The following SPMIP11 variants were observed in gnomAD, a reference collection of about 807,000 sequenced individuals.
SPMIP11 encodes long intergenic non-protein coding RNA 935.
the SPMIP11 span, among the ~76,000 whole-genome samples, chr12:48,746,977 C>T: frequency 6.6e-6 from 1 of 151,738 alleles, no homozygotes; most frequent in East Asian, 1.9e-4. Flanking sequence ...CTGTAAATGA[C>T]AACAAACAGC....
chr12:48,733,072 C>CTTTTTTTTTT, the SPMIP11 span, among the ~76,000 whole-genome samples: 1 of 110,856 alleles, frequency 9.0e-6, no homozygotes, highest in Non-Finnish European at 1.7e-5. Flanking sequence ...ACAAGTTAAT[C>CTTTTTTTTTT]TTTTTTTTTT....
chr12:48,739,574 T>C, the SPMIP11 span, among the ~76,000 whole-genome samples: 6,055 of 152,150 alleles, frequency 0.04, 384 homozygotes, highest in African/African-American at 0.13. Context: ...ACAGGACGCA[T>C]AGCCGGGGAA....
the SPMIP11 span, among the ~76,000 whole-genome samples, chr12:48,733,764 C>CTTTTTTTTT: frequency 8.4e-5 from 7 of 82,902 alleles, no homozygotes; most frequent in Admixed American, 1.8e-4. Flanking sequence ...AATGCAGATT[C>CTTTTTTTTT]TTTTTTTTTT....
chr12:48,731,230 C>A, the SPMIP11 span, among the ~76,000 whole-genome samples: 1 of 152,126 alleles, frequency 6.6e-6, no homozygotes, highest in Non-Finnish European at 1.5e-5. Flanking sequence ...CGGTGGCTCA[C>A]GCCTGTAATC....
At chr12:48,731,231 G>A in the SPMIP11 span, among the ~76,000 whole-genome samples, 6 of 152,136 alleles carry the variant, frequency 3.9e-5, no homozygotes, top group Admixed American at 6.5e-5. Flanking sequence ...GGTGGCTCAC[G>A]CCTGTAATCC....
chr12:48,748,731 C>T, the SPMIP11 span, among the ~76,000 whole-genome samples: 2 of 152,098 alleles, frequency 1.3e-5, no homozygotes, highest in Non-Finnish European at 2.9e-5. Flanking sequence ...GAGTTGCCTT[C>T]TATTTCACAG....
the SPMIP11 span, chr12:48,768,541 C>T: frequency 6.2e-7 from 1 of 1,613,710 alleles, no homozygotes; most frequent in Non-Finnish European, 8.5e-7. Flanking sequence ...GCACAGAGTC[C>T]ACTCAATGCC....
the SPMIP11 span, among the ~76,000 whole-genome samples, chr12:48,753,622 A>C: frequency 6.6e-6 from 1 of 150,690 alleles, no homozygotes; most frequent in African/African-American, 2.4e-5. Flanking sequence ...GTTAGGAGAC[A>C]GCTGGAGATC....
the SPMIP11 span, among the ~76,000 whole-genome samples, chr12:48,742,337 A>G: frequency 2.8e-5 from 4 of 143,482 alleles, no homozygotes; most frequent in African/African-American, 1.1e-4. Context: ...GCTGGAGTAC[A>G]ACGGCACGAT....
the SPMIP11 span, among the ~76,000 whole-genome samples, chr12:48,755,733 C>T: frequency 3.9e-5 from 6 of 152,260 alleles, no homozygotes; most frequent in Non-Finnish European, 8.8e-5. Flanking sequence ...TAGAGAACAT[C>T]ATCTGCCTGT....
the SPMIP11 span, among the ~76,000 whole-genome samples, chr12:48,749,074 C>T: frequency 4.0e-5 from 6 of 151,884 alleles, no homozygotes; most frequent in East Asian, 1.2e-3. Flanking sequence ...CCAACCTGAC[C>T]AACATGGTGA....
the SPMIP11 span, chr12:48,770,906 G>C: frequency 6.2e-7 from 1 of 1,614,254 alleles, no homozygotes; most frequent in South Asian, 1.1e-5. Context: ...CCCTGAGGCA[G>C]CCATGTAGGT....
At chr12:48,765,145 G>A in the SPMIP11 span, 23 of 595,814 alleles carry the variant, frequency 3.9e-5, no homozygotes, top group East Asian at 8.3e-5. Context: ...AATTTGGGCC[G>A]TGATGACATT....
chr12:48,765,622 T>C, the SPMIP11 span: 11 of 702,920 alleles, frequency 1.6e-5, no homozygotes, highest in Non-Finnish European at 2.9e-5. Flanking sequence ...TGGATCACTC[T>C]ATTCTCAATG....
At chr12:48,750,886 C>A in the SPMIP11 span, among the ~76,000 whole-genome samples, 1 of 152,156 alleles carries the variant, frequency 6.6e-6, no homozygotes, top group South Asian at 2.1e-4. Flanking sequence ...CTGCTTGACA[C>A]CTTTCTGTCC....
At chr12:48,745,290 G>A in the SPMIP11 span, among the ~76,000 whole-genome samples, 6 of 150,906 alleles carry the variant, frequency 4.0e-5, no homozygotes, top group African/African-American at 1.5e-4. Context: ...AAAAAAAAAA[G>A]AGAATAAAAA....
chr12:48,744,397 C>T, the SPMIP11 span, among the ~76,000 whole-genome samples: 1 of 152,028 alleles, frequency 6.6e-6, no homozygotes, highest in African/African-American at 2.4e-5. Flanking sequence ...CAGAGTGAGA[C>T]TCTGTTTTCC....
chr12:48,740,496 T>C, the SPMIP11 span, among the ~76,000 whole-genome samples: 198 of 150,004 alleles, frequency 1.3e-3, 2 homozygotes, highest in East Asian at 0.032. Flanking sequence ...TGTCTCTCTT[T>C]TTTTTTTTTT....
chr12:48,739,696 C>T, the SPMIP11 span, among the ~76,000 whole-genome samples: 8 of 152,166 alleles, frequency 5.3e-5, no homozygotes, highest in South Asian at 8.3e-4. Flanking sequence ...TGGTACTATA[C>T]GCTTTTAAAC....
Sources: gnomAD v4.1 joint callset for allele counts (sites outside exome capture counted in the v4.1 genomes callset) on GRCh38, gnomAD v4.1.1 for gene constraint, MANE v1.5 for transcripts, NCBI Gene and HGNC (gene_info 2026-07-23, HGNC 2026-07-21) for gene names.